The following CTIF variants were observed in gnomAD, a reference collection of about 807,000 sequenced individuals.
The protein encoded by CTIF is CBP80/20-dependent translation initiation factor.
CTIF carries 21 observed loss-of-function variants against 66.0 expected under a neutral mutation model. The ratio of observed to expected loss-of-function variants is 0.32; its 90% CI spans 0.23 to 0.46. The LOEUF (loss-of-function observed/expected upper bound fraction) is 0.46, where lower values mean the gene tolerates loss of function less well. CTIF is among the 20% of genes least tolerant of loss of function. The pLI is 1.00. For synonymous variants in CTIF, 345 were observed against 326.4 expected (o/e 1.06, Z -0.62); for missense variants, 739 against 812.7 (o/e 0.91, Z 1.10).
At chr18:48,659,485 C>T (rs1321946935) in intron 3 of CTIF, among the ~76,000 whole-genome samples, 7 of 152,306 alleles carry the variant, frequency 4.6e-5, no homozygotes, top group Non-Finnish European at 7.4e-5. Context: ...ATATGATATT[C>T]GTTCCTGGAG....
At chr18:48,793,897 T>C (rs1041757396) in intron 9 of CTIF, among the ~76,000 whole-genome samples, 2 of 152,194 alleles carry the variant, frequency 1.3e-5, no homozygotes, top group Non-Finnish European at 2.9e-5. Context: ...CTGTATCACA[T>C]AGCCCAGCCT....
chr18:48,633,652 A>G (rs1257824962), intron 2 of CTIF, among the ~76,000 whole-genome samples: 1 of 151,990 alleles, frequency 6.6e-6, no homozygotes, highest in Admixed American at 6.6e-5. Context: ...CAGGGAACCA[A>G]GATTGCGCCA....
intron 7 of CTIF, among the ~76,000 whole-genome samples, chr18:48,725,159 G>A (rs1050025897): frequency 3.9e-5 from 6 of 152,170 alleles, no homozygotes; most frequent in South Asian, 2.1e-4. Flanking sequence ...CAGATGGCTC[G>A]GCCTGGTCAC....
At chr18:48,747,644 C>T (rs975276528) in intron 7 of CTIF, among the ~76,000 whole-genome samples, 2 of 151,848 alleles carry the variant, frequency 1.3e-5, no homozygotes, top group Admixed American at 6.6e-5. Flanking sequence ...CTGCGGCTCA[C>T]ACTTGTAATC....
intron 9 of CTIF, among the ~76,000 whole-genome samples, chr18:48,766,848 C>G (rs1482788914): frequency 1.4e-5 from 1 of 70,736 alleles, no homozygotes; most frequent in Non-Finnish European, 3.5e-5. Context: ...CACCCTGAAC[C>G]TCCTCCTTGA....
At chr18:48,563,024 G>A (rs2089197229) in intron 1 of CTIF, among the ~76,000 whole-genome samples, 1 of 152,230 alleles carries the variant, frequency 6.6e-6, no homozygotes, top group Admixed American at 6.5e-5. Flanking sequence ...GCTTCCTCCT[G>A]CAAATGACCC....
chr18:48,685,413 G>A (rs1317158037), intron 6 of CTIF, among the ~76,000 whole-genome samples: 1 of 151,832 alleles, frequency 6.6e-6, no homozygotes, highest in Non-Finnish European at 1.5e-5. Context: ...GGTAGAGACG[G>A]GGTTTCACCA....
At chr18:48,717,927 C>T (rs1289527996) in intron 7 of CTIF, among the ~76,000 whole-genome samples, 3 of 151,868 alleles carry the variant, frequency 2.0e-5, no homozygotes, top group African/African-American at 4.8e-5. Context: ...TGATTGGTAG[C>T]GATGGAGTCT....
intron 5 of CTIF, among the ~76,000 whole-genome samples, chr18:48,666,642 G>C (rs2091440041): frequency 1.3e-5 from 2 of 152,200 alleles, no homozygotes; most frequent in Admixed American, 6.5e-5. Flanking sequence ...CCTCCCTGTT[G>C]TGGGTTCCAT....
intron 6 of CTIF, among the ~76,000 whole-genome samples, chr18:48,676,723 G>A (rs1300497928): frequency 6.6e-6 from 1 of 151,970 alleles, no homozygotes; most frequent in Non-Finnish European, 1.5e-5. Flanking sequence ...CTGAGCCTGT[G>A]TCCAAGTCCA....
chr18:48,780,864 A>AG lies in CTIF; in HGVS notation c.1371+19181dup, dbSNP rs527414777. On this transcript the variant is annotated intron_variant, in intron 9 of 11. Coordinates refer to ENST00000256413, the MANE Select transcript of CTIF (RefSeq NM_014772.3). ...CAGAGTGCAGGGGTAGGGCTTAAGG[A>AG]GGGGGGCGTGCTGATAGCCTCAGGA... Among the ~76,000 whole-genome samples, 18 of 152,148 alleles carry AG rather than the reference A, an allele frequency of 1.2e-4. No individual in the cohort carries two copies. In the South Asian group the frequency reaches 2.3e-3, roughly 19 times the overall value.
intron 9 of CTIF, among the ~76,000 whole-genome samples, chr18:48,794,404 A>G (rs2067863854): frequency 6.6e-6 from 1 of 151,794 alleles, no homozygotes; most frequent in African/African-American, 2.4e-5. Context: ...GCAACTCGAG[A>G]GCTAAGGGCC....
At chr18:48,602,972 A>T (rs2090121725) in intron 1 of CTIF, among the ~76,000 whole-genome samples, 1 of 140,748 alleles carries the variant, frequency 7.1e-6, no homozygotes, top group Non-Finnish European at 1.5e-5. Flanking sequence ...TGGATGGATG[A>T]ATGGGTAGAT....
chr18:48,660,464 G>A (rs1370591428), intron 3 of CTIF, among the ~76,000 whole-genome samples: 1 of 152,238 alleles, frequency 6.6e-6, no homozygotes, highest in African/African-American at 2.4e-5. Flanking sequence ...ACACATACAT[G>A]CAGGCACAGC....
At chr18:48,551,279 C>G (rs934364488) in intron 1 of CTIF, among the ~76,000 whole-genome samples, 5 of 151,812 alleles carry the variant, frequency 3.3e-5, no homozygotes, top group Admixed American at 6.6e-5. Context: ...TCTTGGACTT[C>G]CAGTCTCCAG....
chr18:48,829,893 G>T (rs935981528), intron 10 of CTIF, among the ~76,000 whole-genome samples: 1 of 152,204 alleles, frequency 6.6e-6, no homozygotes, highest in African/African-American at 2.4e-5. Flanking sequence ...GATGTTTAGG[G>T]AACTAACTTT....
At chr18:48,607,901 CT>C (rs531974876) in intron 1 of CTIF, among the ~76,000 whole-genome samples, 129 of 152,182 alleles carry the variant, frequency 8.5e-4, no homozygotes, top group South Asian at 1.0e-3. Context: ...TTTCTTTCTG[CT>C]TGCAATGACC....
chr18:48,774,524 T>C (rs1044867975), intron 9 of CTIF, among the ~76,000 whole-genome samples: 1 of 152,162 alleles, frequency 6.6e-6, no homozygotes, highest in Non-Finnish European at 1.5e-5. Flanking sequence ...CTTAACCCTC[T>C]GCTGGCCCTT....
At chr18:48,811,458 T>A (rs1226928389) in intron 9 of CTIF, among the ~76,000 whole-genome samples, 1 of 152,212 alleles carries the variant, frequency 6.6e-6, no homozygotes, top group Non-Finnish European at 1.5e-5. Context: ...TTCAAGCATT[T>A]CTAAGTGTAC....
Sources: gnomAD v4.1 joint callset for allele counts (sites outside exome capture counted in the v4.1 genomes callset) on GRCh38, gnomAD v4.1.1 for gene constraint, MANE v1.5 for transcripts, NCBI Gene and HGNC (gene_info 2026-07-23, HGNC 2026-07-21) for gene names.